The following MCU variants were observed in gnomAD, a reference collection of about 807,000 sequenced individuals.
The protein encoded by MCU is mitochondrial calcium uniporter.
In MCU, 12 loss-of-function variants were observed where a neutral mutation model predicts 45.2. That is an observed-to-expected ratio of 0.27 (90% CI 0.17 to 0.43). The LOEUF (loss-of-function observed/expected upper bound fraction) is 0.43. Among genes scored for constraint, MCU ranks in the 20% least tolerant of loss-of-function variants. The pLI, the probability that MCU is intolerant of heterozygous loss-of-function variation, is 1.00. For missense variants in MCU, 324 were observed against 436.7 expected (o/e 0.74, Z 2.30); for synonymous variants, 160 against 165.1 (o/e 0.97, Z 0.24).
chr10:72,839,675 C>T (rs768091741), intron 2 of MCU, among the ~76,000 whole-genome samples: 26 of 151,624 alleles, frequency 1.7e-4, no homozygotes, highest in Non-Finnish European at 2.8e-4. Flanking sequence ...TGCTGGTGGC[C>T]GGGCACAGTG....
intron 1 of MCU, among the ~76,000 whole-genome samples, chr10:72,817,902 G>A (rs759326462): frequency 1.3e-5 from 2 of 152,144 alleles, no homozygotes; most frequent in Non-Finnish European, 2.9e-5. Flanking sequence ...TTATTGAGTG[G>A]CTTTGCATGT....
intron 1 of MCU, among the ~76,000 whole-genome samples, chr10:72,721,529 C>T (rs906630463): frequency 7.9e-5 from 12 of 152,316 alleles, no homozygotes; most frequent in African/African-American, 2.6e-4. Flanking sequence ...CTTGCTATTC[C>T]TCAAACATGC....
chr10:72,842,598 A>T (rs1037554560), intron 2 of MCU, among the ~76,000 whole-genome samples: 2 of 152,172 alleles, frequency 1.3e-5, no homozygotes, highest in Non-Finnish European at 2.9e-5. Context: ...CAAGCTAAAC[A>T]ATAGCAGCTT....
intron 2 of MCU, among the ~76,000 whole-genome samples, chr10:72,837,996 A>G: frequency 6.6e-6 from 1 of 151,294 alleles, no homozygotes; most frequent in East Asian, 2.0e-4. Context: ...AGCTGGGACT[A>G]CAGGCGCTCA....
At chr10:72,701,661 G>C (rs1162983208) in intron 1 of MCU, among the ~76,000 whole-genome samples, 1 of 151,952 alleles carries the variant, frequency 6.6e-6, no homozygotes, top group Non-Finnish European at 1.5e-5. Context: ...CGAGTAGCTG[G>C]GACTACAGGT....
intron 2 of MCU, among the ~76,000 whole-genome samples, chr10:72,836,264 T>A (rs1269938401): frequency 1.3e-5 from 2 of 152,192 alleles, no homozygotes; most frequent in Non-Finnish European, 2.9e-5. Context: ...TATCAATATA[T>A]ATTCATAAAG....
chr10:72,713,707 AC>A (rs1260362153), intron 1 of MCU, among the ~76,000 whole-genome samples: 10 of 152,076 alleles, frequency 6.6e-5, no homozygotes, highest in African/African-American at 2.4e-4. Flanking sequence ...GAACCTCTAA[AC>A]CAAAGAGTTT....
chr10:72,885,738 A>G lies in MCU; in HGVS notation c.979-7A>G, dbSNP rs545975007. 1.2e-6 allele frequency: 2 copies of G among 1,607,720 alleles called. No homozygotes were observed. The highest frequency in any genetic ancestry group is 1.3e-5 in the African/African-American group (1 of 74,830). The stretch of plus-strand genomic sequence containing the variant: ...GCCAGTTTTCTCACCTTTTGTTTCT[A>G]TTTTAGGCAGAAATGGACCTTAAGA... On this transcript the variant is annotated splice_polypyrimidine_tract_variant and splice_region_variant and intron_variant, in intron 7 of 7. Transcript: ENST00000373053.
chr10:72,835,380 T>C (rs941338422), intron 2 of MCU, among the ~76,000 whole-genome samples: 1 of 152,232 alleles, frequency 6.6e-6, no homozygotes, highest in Non-Finnish European at 1.5e-5. Context: ...CTGTTAGATA[T>C]GTTTCCTCTG....
chr10:72,831,684 C>T (rs1844881318), intron 1 of MCU, among the ~76,000 whole-genome samples: 2 of 152,174 alleles, frequency 1.3e-5, no homozygotes, highest in Non-Finnish European at 2.9e-5. Context: ...TAAAAGGATT[C>T]GGAGTACCCA....
At chr10:72,725,963 C>G (rs1843093336) in intron 1 of MCU, among the ~76,000 whole-genome samples, 1 of 152,170 alleles carries the variant, frequency 6.6e-6, no homozygotes, top group Admixed American at 6.5e-5. Flanking sequence ...TTCCTCCTTT[C>G]TTGCCTGATT....
chr10:72,845,395 G>A (rs544673216), intron 2 of MCU, among the ~76,000 whole-genome samples: 88 of 152,092 alleles, frequency 5.8e-4, no homozygotes, highest in African/African-American at 2.0e-3. Flanking sequence ...CTGGTTTTTC[G>A]ATATATAAAT....
At chr10:72,857,676 C>T (rs1189884649) in intron 2 of MCU, among the ~76,000 whole-genome samples, 2 of 152,090 alleles carry the variant, frequency 1.3e-5, no homozygotes, top group Non-Finnish European at 2.9e-5. Context: ...TCTTTAAATG[C>T]TCAGTTGCTT....
intron 1 of MCU, chr10:72,693,146 G>A (rs1210821484): frequency 1.4e-6 from 2 of 1,422,648 alleles, no homozygotes; most frequent in Non-Finnish European, 1.9e-6. Flanking sequence ...CAGAAAAAGA[G>A]GATTTCTGTT....
chr10:72,840,080 G>A (rs1845026111), intron 2 of MCU, among the ~76,000 whole-genome samples: 1 of 150,540 alleles, frequency 6.6e-6, no homozygotes, highest in Non-Finnish European at 1.5e-5. Context: ...GGGTTATATT[G>A]TAGGTATATG....
chr10:72,819,677 C>CATTGAAAT (rs2132813561), intron 1 of MCU, among the ~76,000 whole-genome samples: 1 of 146,860 alleles, frequency 6.8e-6, no homozygotes, highest in African/African-American at 2.5e-5. Flanking sequence ...ATGCAGTAGA[C>CATTGAAAT]ATTGAAATTA....
At chr10:72,695,594 A>G (rs1842675945) in intron 1 of MCU, among the ~76,000 whole-genome samples, 1 of 152,196 alleles carries the variant, frequency 6.6e-6, no homozygotes. Flanking sequence ...TGTGATGTAC[A>G]ATTCCTTTTG....
At chr10:72,817,836 A>T (rs764314508) in intron 1 of MCU, among the ~76,000 whole-genome samples, 34 of 152,346 alleles carry the variant, frequency 2.2e-4, no homozygotes, top group Admixed American at 5.2e-4. Flanking sequence ...AGAGCCTTTA[A>T]TGGAGTTCAG....
At chr10:72,693,578 A>G (rs1169560020) in intron 1 of MCU, among the ~76,000 whole-genome samples, 2 of 152,204 alleles carry the variant, frequency 1.3e-5, no homozygotes, top group East Asian at 1.9e-4. Flanking sequence ...TGAAAGATCT[A>G]TGAAAAGACC....
Sources: allele counts gnomAD v4.1 joint callset (sites outside exome capture counted in the v4.1 genomes callset), GRCh38; gene constraint gnomAD v4.1.1; transcripts MANE v1.5; gene names NCBI Gene and HGNC (gene_info 2026-07-23, HGNC 2026-07-21).